The following LRFN5 variants were observed in gnomAD, a reference collection of about 807,000 sequenced individuals.
LRFN5 encodes leucine rich repeat and fibronectin type III domain containing 5.
In LRFN5, 24 loss-of-function variants were observed where a neutral mutation model predicts 45.6. The ratio of observed to expected loss-of-function variants is 0.53; its 90% CI spans 0.38 to 0.74. The LOEUF is 0.74. Ranked by LOEUF, LRFN5 falls within the 30% of genes least tolerant of loss-of-function variation. The pLI, the probability that LRFN5 is intolerant of heterozygous loss-of-function variation, is 0.00. For synonymous variants in LRFN5, 340 were observed against 313.8 expected (o/e 1.08, Z -0.88); for missense variants, 776 against 861.5 (o/e 0.90, Z 1.24).
intron 1 of LRFN5, among the ~76,000 whole-genome samples, chr14:41,670,943 C>G (rs924278484): frequency 1.3e-5 from 2 of 151,936 alleles, no homozygotes; most frequent in African/African-American, 4.8e-5. Flanking sequence ...CTTGAACTGA[C>G]TTTTCTTTGA....
chr14:41,781,647 GAGAAAGAA>G (rs548156166), intron 2 of LRFN5, among the ~76,000 whole-genome samples: 9 of 141,454 alleles, frequency 6.4e-5, no homozygotes, highest in African/African-American at 2.1e-4. Flanking sequence ...AAGAAAGAAA[GAGAAAGAA>G]AGAAAGAAAG....
At chr14:41,846,069 G>A (rs1889050940) in intron 2 of LRFN5, among the ~76,000 whole-genome samples, 1 of 152,090 alleles carries the variant, frequency 6.6e-6, no homozygotes. Context: ...GTGTCTGGTT[G>A]CATGGCGGTG....
intron 1 of LRFN5, among the ~76,000 whole-genome samples, chr14:41,715,184 A>T (rs549666470): frequency 1.3e-5 from 2 of 152,230 alleles, no homozygotes; most frequent in African/African-American, 4.8e-5. Flanking sequence ...ATCTTGTGCT[A>T]TCTCTAATGC....
At chr14:41,883,211 G>T (rs1890449095) in intron 2 of LRFN5, among the ~76,000 whole-genome samples, 1 of 149,764 alleles carries the variant, frequency 6.7e-6, no homozygotes. Context: ...AAGTTTCTTT[G>T]TATTCCAAAG....
At chr14:41,780,292 A>AT (rs1293808824) in intron 2 of LRFN5, among the ~76,000 whole-genome samples, 1 of 151,820 alleles carries the variant, frequency 6.6e-6, no homozygotes, top group African/African-American at 2.4e-5. Flanking sequence ...AGAACATAAT[A>AT]TTTTTTTCTA....
chr14:41,888,668 TA>T (rs1890666583), intron 3 of LRFN5, among the ~76,000 whole-genome samples: 1 of 152,106 alleles, frequency 6.6e-6, no homozygotes, highest in African/African-American at 2.4e-5. Flanking sequence ...GTCTCATGTG[TA>T]CTGGTTCTAA....
At chr14:41,786,561 A>C (rs193090100) in intron 2 of LRFN5, among the ~76,000 whole-genome samples, 1 of 145,682 alleles carries the variant, frequency 6.9e-6, no homozygotes, top group African/African-American at 2.6e-5. Flanking sequence ...TTTTTTGCAG[A>C]AAGTTCGTTG....
rs986130300 is a variant in LRFN5 at position 41,841,549 on chromosome 14, A to T, written c.-20-45057A>T. Among the ~76,000 whole-genome samples the T allele has an allele frequency of 1.3e-3, 193 of 152,014 alleles. 3 individuals carry two copies. Among genetic ancestry groups the T allele is most frequent in the Non-Finnish European group, 2.0e-3 (134 of 67,828 alleles). ...CATGATTTGTACATGTCAGTAATTTATTATTTTTATATTTATGTACTGTTC... is the reference window on the plus strand; with the variant it reads ...CATGATTTGTACATGTCAGTAATTTTTTATTTTTATATTTATGTACTGTTC... On this transcript the variant is annotated intron_variant, in intron 2 of 5. Transcript: ENST00000298119.
At chr14:41,611,840 T>G (rs771182361) in intron 1 of LRFN5, among the ~76,000 whole-genome samples, 6 of 152,164 alleles carry the variant, frequency 3.9e-5, no homozygotes, top group Non-Finnish European at 7.4e-5. Flanking sequence ...TTTCTTTCCT[T>G]TTTCTCAAGA....
At chr14:41,785,902 A>G (rs1449311827) in intron 2 of LRFN5, among the ~76,000 whole-genome samples, 3 of 152,158 alleles carry the variant, frequency 2.0e-5, no homozygotes, top group African/African-American at 7.2e-5. Flanking sequence ...TTCAGGTGGT[A>G]ATACAAATGA....
At chr14:41,725,643 T>C (rs947276236) in intron 1 of LRFN5, among the ~76,000 whole-genome samples, 6 of 152,196 alleles carry the variant, frequency 3.9e-5, no homozygotes, top group African/African-American at 1.4e-4. Context: ...TTGGTAAATA[T>C]TTGCCAGAAT....
chr14:41,638,636 TTC>T (rs1879420217), intron 1 of LRFN5, among the ~76,000 whole-genome samples: 1 of 152,156 alleles, frequency 6.6e-6, no homozygotes, highest in African/African-American at 2.4e-5. Context: ...GAAATTCATG[TTC>T]TGTGAGAGAA....
chr14:41,847,459 G>A (rs919449061), intron 2 of LRFN5, among the ~76,000 whole-genome samples: 6 of 151,974 alleles, frequency 3.9e-5, no homozygotes, highest in African/African-American at 1.2e-4. Flanking sequence ...CATAAGAAAT[G>A]TTTTTTCTTG....
intron 1 of LRFN5, among the ~76,000 whole-genome samples, chr14:41,765,177 TA>T (rs1885828771): frequency 6.6e-6 from 1 of 151,770 alleles, no homozygotes; most frequent in African/African-American, 2.4e-5. Context: ...CCGTCTCTAC[TA>T]AAAGTACAAA....
intron 1 of LRFN5, among the ~76,000 whole-genome samples, chr14:41,678,250 A>G (rs1855103437): frequency 6.6e-6 from 1 of 151,686 alleles, no homozygotes; most frequent in Non-Finnish European, 1.5e-5. Flanking sequence ...ATGCATACAT[A>G]CATACATACA....
At chr14:41,672,987 T>G (rs2138663447) in intron 1 of LRFN5, among the ~76,000 whole-genome samples, 1 of 152,276 alleles carries the variant, frequency 6.6e-6, no homozygotes, top group Admixed American at 6.5e-5. Flanking sequence ...TTATGAAAGA[T>G]CTACACTAAG....
rs137927276 is a variant in LRFN5, at chr14:41,882,496, C to T, written c.-20-4110C>T. ...CTTTCCAAGCTGAAAAGCAAGGTTG[C>T]CTGAAGTATTTCTTTCAATTTTCCT... On this transcript the variant is annotated intron_variant, in intron 2 of 5. Coordinates refer to ENST00000298119, the MANE Select transcript of LRFN5 (RefSeq NM_152447.5). 2.4e-4 allele frequency among the ~76,000 whole-genome samples: 37 copies of T among 152,214 alleles called. No individual in the cohort carries two copies. In the East Asian group the frequency reaches 7.2e-3, roughly 29 times the overall value.
At chr14:41,746,231 TA>T (rs1884913146) in intron 1 of LRFN5, among the ~76,000 whole-genome samples, 1 of 151,904 alleles carries the variant, frequency 6.6e-6, no homozygotes, top group South Asian at 2.1e-4. Flanking sequence ...ATATACCACA[TA>T]AACAGAATGA....
intron 1 of LRFN5, among the ~76,000 whole-genome samples, chr14:41,718,729 C>T (rs17181601): frequency 0.17 from 25,454 of 152,164 alleles, 2,312 homozygotes; most frequent in Non-Finnish European, 0.22. Flanking sequence ...GATTCATCTA[C>T]GCTAAATCTA....
Sources: gnomAD v4.1 joint callset for allele counts (sites outside exome capture counted in the v4.1 genomes callset) on GRCh38, gnomAD v4.1.1 for gene constraint, MANE v1.5 for transcripts, NCBI Gene and HGNC (gene_info 2026-07-23, HGNC 2026-07-21) for gene names.